The following CNTNAP3B variants were observed in gnomAD, a reference collection of about 807,000 sequenced individuals.
CNTNAP3B encodes contactin associated protein family member 3B.
Under a neutral mutation model 108.9 loss-of-function variants are expected in CNTNAP3B, and 25 were observed. The ratio of observed to expected loss-of-function variants is 0.23; its 90% CI spans 0.17 to 0.32. CNTNAP3B has a LOEUF of 0.32. Ranked by LOEUF, CNTNAP3B falls within the 10% of genes least tolerant of loss-of-function variation. The pLI, the probability that CNTNAP3B is intolerant of heterozygous loss-of-function variation, is 1.00. For synonymous variants in CNTNAP3B, 103 were observed against 473.4 expected (o/e 0.22, Z 10.16); for missense variants, 252 against 1,210.4 (o/e 0.21, Z 11.75).
chr9:42,125,665 G>GTTTTTTTTTTTTT (rs200934708), intron 1 of CNTNAP3B, among the ~76,000 whole-genome samples: 6 of 118,972 alleles, frequency 5.0e-5, no homozygotes, highest in Non-Finnish European at 3.4e-5. Context: ...TACATTTTTT[G>GTTTTTTTTTTTTT]TTTTTTTTTT....
chr9:41,918,156 A>T (rs1029640372), intron 18 of CNTNAP3B, among the ~76,000 whole-genome samples: 1 of 150,462 alleles, frequency 6.6e-6, no homozygotes, highest in African/African-American at 2.5e-5. Flanking sequence ...TTTGAATGTT[A>T]CCTCCTCTTT....
chr9:42,109,896 C>T (rs1441708978), intron 1 of CNTNAP3B, among the ~76,000 whole-genome samples: 2 of 136,606 alleles, frequency 1.5e-5, no homozygotes, highest in African/African-American at 2.9e-5. Context: ...ATGAACAGAG[C>T]CCCATACAAA....
In CNTNAP3B at chr9:42,055,082, A is replaced by G. The variant is rs901436571; in HGVS notation, c.390+21787T>C. Reference sequence around the variant, plus strand: ...TGGCTTTCATCCTGGAGAAATTTCAATGGGAAAAAGAACTGCATTAAAATC... The same window carrying G: ...TGGCTTTCATCCTGGAGAAATTTCAGTGGGAAAAAGAACTGCATTAAAATC... On this transcript the variant is annotated intron_variant, in intron 3 of 23. Transcript: ENST00000377561. Among the ~76,000 whole-genome samples the G allele has an allele frequency of 3.6e-5, 5 of 139,772 alleles. 1 individual carries two copies. Among genetic ancestry groups the G allele is most frequent in the Non-Finnish European group, 6.2e-5 (4 of 65,024 alleles). The allele number at this position is 139,772 out of a possible 152,430, so 91.7% of individuals were successfully genotyped here.
intron 13 of CNTNAP3B, among the ~76,000 whole-genome samples, chr9:41,945,618 G>T (rs1359206405): frequency 2.6e-5 from 4 of 152,306 alleles, no homozygotes; most frequent in Non-Finnish European, 5.9e-5. Context: ...GCCTGTCATG[G>T]GGTGTGGGGA....
chr9:42,070,777 C>T (rs1258550007), intron 3 of CNTNAP3B, among the ~76,000 whole-genome samples: 1 of 152,154 alleles, frequency 6.6e-6, no homozygotes, highest in Admixed American at 6.5e-5. Context: ...GTTAGTTCCA[C>T]TCACATTTGC....
chr9:41,916,036 C>G (rs1282091714), intron 18 of CNTNAP3B, among the ~76,000 whole-genome samples: 1 of 151,312 alleles, frequency 6.6e-6, no homozygotes, highest in East Asian at 1.9e-4. Flanking sequence ...TTATGCATAC[C>G]AAACCCATTA....
At chr9:41,969,055 C>T (rs1289442393) in intron 10 of CNTNAP3B, among the ~76,000 whole-genome samples, 4 of 152,286 alleles carry the variant, frequency 2.6e-5, no homozygotes, top group Non-Finnish European at 4.4e-5. Context: ...CTTGGCCTCC[C>T]AAAGTGCTGG....
intron 17 of CNTNAP3B, among the ~76,000 whole-genome samples, chr9:41,921,367 C>A (rs1361077534): frequency 1.3e-5 from 2 of 152,130 alleles, no homozygotes; most frequent in African/African-American, 2.4e-5. Context: ...GAAGAGCTAA[C>A]CACGCCTGAA....
At chr9:41,925,291 A>C (rs62536552) in intron 15 of CNTNAP3B, among the ~76,000 whole-genome samples, 125,928 of 151,130 alleles carry the variant, frequency 0.83, 50,365 homozygotes, top group Admixed American at 0.87. Context: ...TGACATGCCT[A>C]CGTTAGAAAT....
chr9:42,080,565 C>G (rs1827592228), intron 2 of CNTNAP3B, among the ~76,000 whole-genome samples: 2 of 135,326 alleles, frequency 1.5e-5, no homozygotes, highest in Non-Finnish European at 3.1e-5. Flanking sequence ...TAGAAGGCCA[C>G]TATGGGTAAC....
Position 42,110,659 on chromosome 9 carries a change from C to T in CNTNAP3B, c.86-5920G>A, listed in dbSNP as rs1490844369. 7.3e-5 allele frequency among the ~76,000 whole-genome samples: 10 copies of T among 137,702 alleles called. 3 individuals carry two copies. Among genetic ancestry groups the T allele is most frequent in the Non-Finnish European group, 1.2e-4 (8 of 64,540 alleles). The allele number at this position is 137,702 out of a possible 152,430, so 90.3% of individuals were successfully genotyped here. A position where few individuals can be genotyped will look rare whatever the true frequency, so the allele number is the denominator to read the frequency against. Reference sequence around the variant, plus strand: ...ATTGAGTCAGCAGGGAGCACGGCCTCGGGAATCGAATCACAAACAGGGAAG... The same window carrying T: ...ATTGAGTCAGCAGGGAGCACGGCCTTGGGAATCGAATCACAAACAGGGAAG... On this transcript the variant is annotated intron_variant, in intron 1 of 23. Transcript: ENST00000377561.
intron 11 of CNTNAP3B, among the ~76,000 whole-genome samples, chr9:41,961,570 C>G (rs1267159619): frequency 4.6e-5 from 7 of 152,302 alleles, no homozygotes; most frequent in East Asian, 1.9e-4. Flanking sequence ...TAAAGTTTTT[C>G]TTAAGCTATG....
chr9:41,928,164 A>G (rs1267994659), intron 15 of CNTNAP3B, among the ~76,000 whole-genome samples: 1 of 152,380 alleles, frequency 6.6e-6, no homozygotes, highest in African/African-American at 2.4e-5. Context: ...GCAAGCTAAC[A>G]ATTTAGCTTG....
At chr9:41,968,898 G>C (rs1825360079) in intron 10 of CNTNAP3B, among the ~76,000 whole-genome samples, 2 of 151,962 alleles carry the variant, frequency 1.3e-5, no homozygotes, top group South Asian at 4.2e-4. Context: ...CCGGGTTCAC[G>C]CCATTCTCCT....
chr9:42,127,601 G>A (rs1286231663), intron 1 of CNTNAP3B, among the ~76,000 whole-genome samples: 1 of 139,916 alleles, frequency 7.1e-6, no homozygotes, highest in African/African-American at 2.8e-5. Context: ...CCAAACGGCA[G>A]TTTCCATTAC....
chr9:42,046,100 C>T (rs1484446086), intron 3 of CNTNAP3B, among the ~76,000 whole-genome samples: 1 of 125,992 alleles, frequency 7.9e-6, no homozygotes, highest in African/African-American at 3.3e-5. Context: ...TGTGGGCTCA[C>T]TTTGCAAACC....
At chr9:41,932,496 T>TAAA in intron 14 of CNTNAP3B, among the ~76,000 whole-genome samples, 1 of 149,352 alleles carries the variant, frequency 6.7e-6, no homozygotes, top group Admixed American at 6.8e-5. Context: ...AAATGTTGAG[T>TAAA]CAACTTTTTA....
At chr9:42,128,421 G>T (rs1205825092) in intron 1 of CNTNAP3B, among the ~76,000 whole-genome samples, 1 of 135,536 alleles carries the variant, frequency 7.4e-6, no homozygotes, top group Non-Finnish European at 1.6e-5. Context: ...CTTTAACCAA[G>T]AACTTTCTAC....
At chr9:41,954,672 T>G (rs1824801006) in intron 12 of CNTNAP3B, among the ~76,000 whole-genome samples, 1 of 152,270 alleles carries the variant, frequency 6.6e-6, no homozygotes, top group Non-Finnish European at 1.5e-5. Flanking sequence ...TTTTTTATTT[T>G]AGATTTTTTA....
Sources: allele counts gnomAD v4.1 joint callset (sites outside exome capture counted in the v4.1 genomes callset), GRCh38; gene constraint gnomAD v4.1.1; transcripts MANE v1.5; gene names NCBI Gene and HGNC (gene_info 2026-07-23, HGNC 2026-07-21).